TCF7L2: variants seen among roughly 807,000 people sequenced by gnomAD.
The protein encoded by TCF7L2 is transcription factor 7-like 2.
A neutral mutation model predicts 77.9 loss-of-function variants in TCF7L2; 23 were observed. The observed-to-expected ratio is 0.30, with a 90% CI of 0.21 to 0.42. The LOEUF (loss-of-function observed/expected upper bound fraction) is 0.42, where lower values mean the gene tolerates loss of function less well. TCF7L2 is among the 10% of genes least tolerant of loss of function. The probability of loss-of-function intolerance (pLI) is 1.00; values close to 1 mark genes in which losing one functional copy is unlikely to be tolerated. For missense variants in TCF7L2, 654 were observed against 793.1 expected, an observed-to-expected ratio of 0.82 and a Z score of 2.11; for synonymous variants, 413 against 340.2, an observed-to-expected ratio of 1.21 and a Z score of -2.36.
At chr10:113,164,643 C>T (rs1051064521) in intron 13 of TCF7L2, among the ~76,000 whole-genome samples, 4 of 151,898 alleles carry the variant, frequency 2.6e-5, no homozygotes, top group Non-Finnish European at 4.4e-5. Flanking sequence ...AATCCACAAC[C>T]TGCAGGCCAT....
chr10:113,107,860 G>A (rs1349380189), intron 5 of TCF7L2, among the ~76,000 whole-genome samples: 4 of 151,338 alleles, frequency 2.6e-5, no homozygotes, highest in Non-Finnish European at 5.9e-5. Context: ...TCTTAAAGCA[G>A]CCTATATTGG....
At chr10:112,963,859 A>G (rs1243149443) in intron 3 of TCF7L2, among the ~76,000 whole-genome samples, 3 of 152,162 alleles carry the variant, frequency 2.0e-5, no homozygotes, top group South Asian at 4.1e-4. Flanking sequence ...CTCAGTTGCC[A>G]TCTAATAGGT....
At chr10:113,140,694 C>T (rs879572093) in intron 5 of TCF7L2, among the ~76,000 whole-genome samples, 7 of 152,186 alleles carry the variant, frequency 4.6e-5, no homozygotes, top group East Asian at 1.9e-4. Flanking sequence ...TAGGAGCTGT[C>T]GGGGGGTGGC....
chr10:113,031,209 AC>A lies in TCF7L2; in HGVS notation c.451-8814del, dbSNP rs1433094714. Among the ~76,000 whole-genome samples, 6 of 152,316 alleles carry A rather than the reference AC, an allele frequency of 3.9e-5. No individual in the cohort carries two copies. In the East Asian group the frequency reaches 1.2e-3, roughly 29 times the overall value. ...ATGGATTTGGAGATTATTGGCTTTG[AC>A]CACCTAAAAAGGATGTAGTGACAAT... On this transcript the variant is annotated intron_variant, in intron 4 of 13. Coordinates refer to ENST00000627217, the MANE Select transcript of TCF7L2 (RefSeq NM_001146274.2).
chr10:113,005,642 T>C (rs1257744578), intron 4 of TCF7L2, among the ~76,000 whole-genome samples: 1 of 152,166 alleles, frequency 6.6e-6, no homozygotes, highest in African/African-American at 2.4e-5. Context: ...TTTGAGATTG[T>C]GTGGCCCCTC....
chr10:112,953,334 A>T (rs1589605114), intron 3 of TCF7L2, among the ~76,000 whole-genome samples: 2 of 152,214 alleles, frequency 1.3e-5, no homozygotes, highest in Middle Eastern at 3.4e-3. Flanking sequence ...CAGTTCCACC[A>T]GGCTGCAGGG....
chr10:113,039,600 G>A (rs186177733), intron 4 of TCF7L2, among the ~76,000 whole-genome samples: 68 of 152,272 alleles, frequency 4.5e-4, no homozygotes, highest in Admixed American at 9.2e-4. Context: ...TTGAAAAGGA[G>A]CAGATTTGGA....
At chr10:112,993,140 C>G (rs543707044) in intron 4 of TCF7L2, among the ~76,000 whole-genome samples, 1 of 152,134 alleles carries the variant, frequency 6.6e-6, no homozygotes, top group Admixed American at 6.5e-5. Flanking sequence ...AGATTTGTCA[C>G]GTGTCCTCTC....
At chr10:112,968,128 G>A (rs543854748) in intron 4 of TCF7L2, among the ~76,000 whole-genome samples, 1 of 152,184 alleles carries the variant, frequency 6.6e-6, no homozygotes, top group African/African-American at 2.4e-5. Context: ...ATGAGGTTGG[G>A]ACACCTTTAC....
chr10:113,048,028 T>C (rs377484578), intron 5 of TCF7L2, among the ~76,000 whole-genome samples: 3 of 152,184 alleles, frequency 2.0e-5, no homozygotes, highest in African/African-American at 7.2e-5. Flanking sequence ...TGAGTTTCTT[T>C]AGGGCAGGAT....
At chr10:112,976,171 A>G (rs2039385012) in intron 4 of TCF7L2, among the ~76,000 whole-genome samples, 1 of 152,192 alleles carries the variant, frequency 6.6e-6, no homozygotes, top group Non-Finnish European at 1.5e-5. Context: ...ATATATAATG[A>G]TCTGGGCAGT....
intron 13 of TCF7L2, among the ~76,000 whole-genome samples, chr10:113,163,131 T>C (rs1273840437): frequency 6.6e-6 from 1 of 152,188 alleles, no homozygotes; most frequent in African/African-American, 2.4e-5. Flanking sequence ...CCCATTGCTC[T>C]GTCGCCATAG....
intron 5 of TCF7L2, among the ~76,000 whole-genome samples, chr10:113,053,055 G>A (rs762733003): frequency 2.0e-5 from 3 of 152,142 alleles, no homozygotes; most frequent in East Asian, 1.9e-4. Flanking sequence ...CAAGCCTGGC[G>A]TGGGACACAG....
intron 5 of TCF7L2, among the ~76,000 whole-genome samples, chr10:113,096,410 G>A (rs552226698): frequency 6.6e-6 from 1 of 152,282 alleles, no homozygotes; most frequent in African/African-American, 2.4e-5. Flanking sequence ...TCCTTATAAG[G>A]CCTGTCCTAT....
At chr10:112,955,490 T>G (rs148424693) in intron 3 of TCF7L2, among the ~76,000 whole-genome samples, 1 of 152,356 alleles carries the variant, frequency 6.6e-6, no homozygotes, top group Non-Finnish European at 1.5e-5. Flanking sequence ...ATTGAAACTT[T>G]CTGAAATCCC....
intron 5 of TCF7L2, among the ~76,000 whole-genome samples, chr10:113,061,883 G>A (rs1285275552): frequency 1.3e-5 from 2 of 152,202 alleles, no homozygotes; most frequent in African/African-American, 2.4e-5. Flanking sequence ...TTGAGAGCTA[G>A]AAGATGTTTC....
intron 5 of TCF7L2, among the ~76,000 whole-genome samples, chr10:113,073,503 CAAAAAA>C (rs35730806): frequency 3.9e-4 from 17 of 43,968 alleles, no homozygotes; most frequent in African/African-American, 1.2e-3. Flanking sequence ...CGGTCTCTAC[CAAAAAA>C]AAAAAAAAAA....
At chr10:112,983,343 C>T (rs1478563546) in intron 4 of TCF7L2, among the ~76,000 whole-genome samples, 1 of 151,712 alleles carries the variant, frequency 6.6e-6, no homozygotes, top group Non-Finnish European at 1.5e-5. Flanking sequence ...TGGTGGTGGG[C>T]GCCTGTAGTC....
intron 7 of TCF7L2, 63 bp downstream of exon 7, chr10:113,144,088 C>CTGTGTGTGTGTGTGTGTGTGTG: frequency 1.6e-6 from 2 of 1,262,016 alleles, no homozygotes; most frequent in African/African-American, 3.5e-5. Context: ...ATTATTTATT[C>CTGTGTGTGTGTGTGTGTGTGTG]TGTGTGTGTG....
Sources: gnomAD v4.1 joint callset for allele counts (sites outside exome capture counted in the v4.1 genomes callset) on GRCh38, gnomAD v4.1.1 for gene constraint, MANE v1.5 for transcripts, NCBI Gene and HGNC (gene_info 2026-07-23, HGNC 2026-07-21) for gene names.